The following MYT1L variants were observed in gnomAD, a reference collection of about 807,000 sequenced individuals.
The protein encoded by MYT1L is myelin transcription factor 1 like.
MYT1L carries 12 observed loss-of-function variants against 126.7 expected under a neutral mutation model. The ratio of observed to expected loss-of-function variants is 0.09; its 90% CI spans 0.06 to 0.15. MYT1L has a LOEUF of 0.15. Ranked by LOEUF, MYT1L falls within the 10% of genes least tolerant of loss-of-function variation. The probability of loss-of-function intolerance (pLI) is 1.00; values close to 1 mark genes in which losing one functional copy is unlikely to be tolerated. For synonymous variants in MYT1L, 541 were observed against 604.2 expected (o/e 0.90, Z 1.53); for missense variants, 979 against 1,585.2 (o/e 0.62, Z 6.49).
intron 2 of MYT1L, among the ~76,000 whole-genome samples, chr2:2,191,486 C>T (rs1052284897): frequency 6.6e-6 from 1 of 152,184 alleles, no homozygotes; most frequent in Non-Finnish European, 1.5e-5. Context: ...CGAAGCCGCC[C>T]ATCCTCACTG....
chr2:2,260,065 C>T (rs2094923940), intron 2 of MYT1L, among the ~76,000 whole-genome samples: 1 of 152,180 alleles, frequency 6.6e-6, no homozygotes, highest in East Asian at 1.9e-4. Context: ...TCCCTCTAAA[C>T]AAGATCAGAG....
intron 11 of MYT1L, among the ~76,000 whole-genome samples, chr2:1,913,923 T>C (rs143883788): frequency 1.6e-4 from 24 of 152,216 alleles, no homozygotes; most frequent in African/African-American, 5.5e-4. Flanking sequence ...CTCTCTCCTC[T>C]TCTCACATCT....
At chr2:2,219,045 GT>G in intron 2 of MYT1L, among the ~76,000 whole-genome samples, 1 of 152,276 alleles carries the variant, frequency 6.6e-6, no homozygotes, top group East Asian at 1.9e-4. Flanking sequence ...AAATAAGAAT[GT>G]TTTCTACTTT....
chr2:1,854,118 A>C (rs1211173299), intron 18 of MYT1L, among the ~76,000 whole-genome samples: 1 of 152,074 alleles, frequency 6.6e-6, no homozygotes, highest in African/African-American at 2.4e-5. Flanking sequence ...GGATTAATAA[A>C]ATTTGGGAGG....
At chr2:1,902,687 G>T in intron 14 of MYT1L, 1 of 205,190 alleles carries the variant, frequency 4.9e-6, no homozygotes, top group Non-Finnish European at 9.9e-6. Context: ...GCTCCCGGGA[G>T]CCCAGGGCTG....
chr2:1,904,697 C>T (rs1384420397), intron 13 of MYT1L, among the ~76,000 whole-genome samples: 1 of 151,810 alleles, frequency 6.6e-6, no homozygotes, highest in Non-Finnish European at 1.5e-5. Context: ...TCGTAACATC[C>T]TACAGTCTCA....
chr2:1,868,080 C>T (rs538712425), intron 18 of MYT1L, among the ~76,000 whole-genome samples: 1 of 152,230 alleles, frequency 6.6e-6, no homozygotes, highest in East Asian at 1.9e-4. Flanking sequence ...GATTCCCCTG[C>T]CTCAGCCTCC....
intron 5 of MYT1L, among the ~76,000 whole-genome samples, chr2:1,992,887 T>A (rs1030173088): frequency 1.3e-5 from 2 of 152,128 alleles, no homozygotes; most frequent in Non-Finnish European, 2.9e-5. Context: ...CTAAGACCAG[T>A]GTTCTGATAT....
At chr2:1,817,262 G>T (rs569110957) in intron 21 of MYT1L, among the ~76,000 whole-genome samples, 3 of 152,268 alleles carry the variant, frequency 2.0e-5, no homozygotes, top group Admixed American at 6.5e-5. Flanking sequence ...CCAGAGGACC[G>T]ACGGCTCCAG....
rs2051806391 is a variant in MYT1L, at chr2:1,910,498, C to T, written c.1710-151G>A. ...GGCACAGGCAGTCCTGATGGGTGGA[C>T]TGGGAGAGGGGGAGGTAGTCATGTT... On this transcript the variant is annotated intron_variant, in intron 12 of 24. Transcript: ENST00000647738. This position sits in a 1 kb window ranked among gnomAD's most constrained non-coding sequence, Gnocchi z 4.8. 6.6e-6 allele frequency among the ~76,000 whole-genome samples: 1 copy of T among 152,108 alleles called. No individual in the cohort carries two copies. The highest frequency in any genetic ancestry group is 2.1e-4 in the South Asian group (1 of 4,822).
chr2:2,157,634 G>A (rs1432258428), intron 3 of MYT1L, among the ~76,000 whole-genome samples: 1 of 152,198 alleles, frequency 6.6e-6, no homozygotes, highest in Admixed American at 6.5e-5. Flanking sequence ...AAAGGCAGGA[G>A]ATGAAACATT....
intron 3 of MYT1L, among the ~76,000 whole-genome samples, chr2:2,076,058 A>G (rs2075187297): frequency 6.6e-6 from 1 of 152,166 alleles, no homozygotes; most frequent in Non-Finnish European, 1.5e-5. Context: ...GGAAAGACTT[A>G]CCTTCAGGGA....
At chr2:2,330,833 G>C (rs901685427) in intron 1 of MYT1L, 134 bp downstream of exon 1, 1 of 152,030 alleles carries the variant, frequency 6.6e-6, no homozygotes, top group Non-Finnish European at 1.5e-5. Flanking sequence ...GAACATTTCA[G>C]CTACCAGCCA....
At chr2:1,949,778 C>T (rs987025262) in intron 8 of MYT1L, among the ~76,000 whole-genome samples, 1 of 152,240 alleles carries the variant, frequency 6.6e-6, no homozygotes, top group Non-Finnish European at 1.5e-5. Flanking sequence ...TGGGCCTCTC[C>T]CACCAGAGAG....
chr2:1,910,804 G>A lies in MYT1L; in HGVS notation c.1710-457C>T, dbSNP rs969364113. Among the ~76,000 whole-genome samples the A allele has an allele frequency of 6.6e-6, 1 of 152,282 alleles. No homozygotes were observed. Among genetic ancestry groups the A allele is most frequent in the South Asian group, 2.1e-4 (1 of 4,826 alleles). The stretch of plus-strand genomic sequence containing the variant: ...TGCTATTGACTGTGGCGTCTGGGGG[G>A]CCTGTCTGACTTTAGCCCTTTGGTG... On this transcript the variant is annotated intron_variant, in intron 12 of 24. Coordinates refer to ENST00000647738, the MANE Select transcript of MYT1L (RefSeq NM_001303052.2). This position sits in a 1 kb window ranked among gnomAD's most constrained non-coding sequence, Gnocchi z 4.8.
intron 3 of MYT1L, among the ~76,000 whole-genome samples, chr2:2,068,769 GT>G (rs55838351): frequency 0.027 from 707 of 26,106 alleles, 17 homozygotes; most frequent in African/African-American, 0.053. Context: ...TGTTCTTCTT[GT>G]TTTTTTTTTT....
chr2:1,954,214 A>C (rs1330644358), intron 8 of MYT1L, among the ~76,000 whole-genome samples: 1 of 152,200 alleles, frequency 6.6e-6, no homozygotes. Flanking sequence ...TGCCAGGCCA[A>C]CACAAACGCT....
At chr2:2,328,193 A>G (rs1005013152) in intron 1 of MYT1L, among the ~76,000 whole-genome samples, 2 of 152,226 alleles carry the variant, frequency 1.3e-5, no homozygotes, top group Admixed American at 6.5e-5. Context: ...TTGAAATTGC[A>G]TAATCACTTA....
intron 21 of MYT1L, among the ~76,000 whole-genome samples, chr2:1,832,909 T>C (rs547023717): frequency 2.0e-5 from 3 of 152,320 alleles, no homozygotes; most frequent in African/African-American, 4.8e-5. Flanking sequence ...CTCTAAAAGA[T>C]GGTCTCTTCT....
Sources: gnomAD v4.1 joint callset for allele counts (sites outside exome capture counted in the v4.1 genomes callset) on GRCh38, gnomAD v4.1.1 for gene constraint, Gnocchi (gnomAD v3.1) non-coding constraint, MANE v1.5 for transcripts, NCBI Gene and HGNC (gene_info 2026-07-23, HGNC 2026-07-21) for gene names.